Variants in LRMDA observed in about 807,000 individuals in gnomAD.
The protein encoded by LRMDA is leucine rich melanocyte differentiation associated.
In LRMDA, 18 loss-of-function variants were observed where a neutral mutation model predicts 29.8. The observed-to-expected ratio is 0.60, with a 90% CI of 0.42 to 0.90. The LOEUF (loss-of-function observed/expected upper bound fraction) is 0.90, where lower values mean the gene tolerates loss of function less well. LRMDA is among the 40% of genes least tolerant of loss of function. LRMDA has a pLI of 0.00. For missense variants in LRMDA, 273 were observed against 273.9 expected, an observed-to-expected ratio of 1.00 and a Z score of 0.02; for synonymous variants, 125 against 109.4, an observed-to-expected ratio of 1.14 and a Z score of -0.89.
At chr10:76,359,504 C>G (rs1403256001) in intron 6 of LRMDA, among the ~76,000 whole-genome samples, 3 of 152,156 alleles carry the variant, frequency 2.0e-5, no homozygotes, top group Non-Finnish European at 4.4e-5. Flanking sequence ...TATCTTGAAT[C>G]TCTCTCATAA....
chr10:76,482,860 AT>A (rs1360489410), intron 6 of LRMDA, among the ~76,000 whole-genome samples: 8 of 151,918 alleles, frequency 5.3e-5, no homozygotes, highest in African/African-American at 1.9e-4. Context: ...GCATATGAGA[AT>A]TTTCGGTTTC....
intron 2 of LRMDA, among the ~76,000 whole-genome samples, chr10:76,003,753 G>C (rs530731695): frequency 3.9e-5 from 6 of 152,264 alleles, no homozygotes; most frequent in South Asian, 2.1e-4. Flanking sequence ...TGTCTGATAG[G>C]GGGAGGAAGA....
chr10:76,533,935 G>C (rs190991251), intron 6 of LRMDA, among the ~76,000 whole-genome samples: 95 of 152,294 alleles, frequency 6.2e-4, no homozygotes, highest in Non-Finnish European at 1.3e-4. Context: ...AGTGACTGCA[G>C]TAGACTGTAG....
At chr10:76,554,754 G>C (rs1564575309) in intron 6 of LRMDA, among the ~76,000 whole-genome samples, 1 of 152,086 alleles carries the variant, frequency 6.6e-6, no homozygotes. Flanking sequence ...CATTCAAGTT[G>C]CATGTAAGTG....
chr10:75,953,511 T>C (rs908137452), intron 2 of LRMDA, among the ~76,000 whole-genome samples: 1 of 152,186 alleles, frequency 6.6e-6, no homozygotes. Context: ...CTGCTGCTAG[T>C]AATTTAGTTC....
chr10:76,055,769 A>C (rs1407811553), intron 4 of LRMDA, among the ~76,000 whole-genome samples: 1 of 152,244 alleles, frequency 6.6e-6, no homozygotes, highest in Non-Finnish European at 1.5e-5. Flanking sequence ...GGCATACCAC[A>C]ACCAGCTTCC....
chr10:75,734,467 C>G (rs1382721409), intron 2 of LRMDA, among the ~76,000 whole-genome samples: 3 of 152,152 alleles, frequency 2.0e-5, no homozygotes, highest in Admixed American at 1.3e-4. Context: ...CTCTAGGTCT[C>G]GGTCCCTACT....
intron 2 of LRMDA, among the ~76,000 whole-genome samples, chr10:75,498,363 G>A (rs1427955675): frequency 1.3e-5 from 2 of 152,176 alleles, no homozygotes; most frequent in East Asian, 3.8e-4. Context: ...TTGTGATATT[G>A]TGGCTGCAGG....
chr10:75,497,878 G>T lies in LRMDA; in HGVS notation c.131+59384G>T, dbSNP rs181531034. Among the ~76,000 whole-genome samples the T allele has an allele frequency of 1.7e-4, 26 of 152,208 alleles. No individual in the cohort carries two copies. The East Asian group carries it at 4.4e-3, about 26-fold the overall frequency. ...TAAGCTGCTGTGAACACATATACAA[G>T]CCTTTGTTTGTATATATATATTTTC... On this transcript the variant is annotated intron_variant, in intron 2 of 6. Transcript: ENST00000611255.
chr10:75,554,273 G>A (rs1010477150), intron 2 of LRMDA, among the ~76,000 whole-genome samples: 1 of 152,170 alleles, frequency 6.6e-6, no homozygotes, highest in African/African-American at 2.4e-5. Flanking sequence ...CTGGTCAGTT[G>A]CAGTGTGTCC....
intron 6 of LRMDA, among the ~76,000 whole-genome samples, chr10:76,393,704 GC>G (rs1281527254): frequency 6.6e-6 from 1 of 152,070 alleles, no homozygotes; most frequent in Non-Finnish European, 1.5e-5. Flanking sequence ...TGTTGCCTAT[GC>G]TTTTGGGGTG....
chr10:75,969,706 A>G (rs940451116), intron 2 of LRMDA, among the ~76,000 whole-genome samples: 4 of 151,996 alleles, frequency 2.6e-5, no homozygotes, highest in Non-Finnish European at 4.4e-5. Context: ...CTTTAGTAGC[A>G]TCTTAAACTA....
chr10:75,470,084 T>G (rs1234172895), intron 2 of LRMDA, among the ~76,000 whole-genome samples: 1 of 152,244 alleles, frequency 6.6e-6, no homozygotes, highest in African/African-American at 2.4e-5. Context: ...TTCCTGCATT[T>G]CCTCTGCCAC....
intron 2 of LRMDA, among the ~76,000 whole-genome samples, chr10:75,724,889 A>G (rs1159500855): frequency 6.6e-6 from 1 of 152,194 alleles, no homozygotes; most frequent in Non-Finnish European, 1.5e-5. Context: ...CTCCAGAACC[A>G]AATCCAGGGC....
At chr10:76,021,255 C>T (rs1387718824) in intron 2 of LRMDA, among the ~76,000 whole-genome samples, 1 of 152,164 alleles carries the variant, frequency 6.6e-6, no homozygotes, top group Non-Finnish European at 1.5e-5. Flanking sequence ...ATGGGCTCTA[C>T]CTTGACCCGT....
intron 2 of LRMDA, among the ~76,000 whole-genome samples, chr10:75,690,542 C>G (rs1333544507): frequency 6.6e-6 from 1 of 151,990 alleles, no homozygotes; most frequent in Non-Finnish European, 1.5e-5. Context: ...TCTTGAACTC[C>G]TAGTCTCTAG....
At position 76,255,703 on chromosome 10, in the gene LRMDA, T is replaced by C. The variant is rs368872631; in HGVS notation, c.517-68698T>C. On this transcript the variant is annotated intron_variant, in intron 5 of 6. Transcript: ENST00000611255. ...AGCTTTAAAGCAGCATGGAGCAAAA[T>C]AGATTTAAATCATTCCGAAAGAAAT... is the stretch of plus-strand genomic sequence containing the variant. Among the ~76,000 whole-genome samples the C allele has an allele frequency of 2.1e-4, 32 of 152,278 alleles. 1 individual carries two copies. The South Asian group carries it at 6.6e-3, about 32-fold the overall frequency.
intron 2 of LRMDA, among the ~76,000 whole-genome samples, chr10:75,761,808 G>GTTTT (rs1302346924): frequency 8.3e-6 from 1 of 120,054 alleles, no homozygotes; most frequent in Non-Finnish European, 1.8e-5. Context: ...TTTTTTTTTT[G>GTTTT]TTTTTTTTTT....
chr10:75,915,467 T>G (rs557566082), intron 2 of LRMDA, among the ~76,000 whole-genome samples: 40 of 151,742 alleles, frequency 2.6e-4, no homozygotes, highest in African/African-American at 9.0e-4. Flanking sequence ...ATTAAATTAT[T>G]TATAGAGACA....
Sources: allele counts gnomAD v4.1 joint callset (sites outside exome capture counted in the v4.1 genomes callset), GRCh38; gene constraint gnomAD v4.1.1; transcripts MANE v1.5; gene names NCBI Gene and HGNC (gene_info 2026-07-23, HGNC 2026-07-21).